Variants in RPA2 observed in about 807,000 individuals in gnomAD.
The protein encoded by RPA2 is replication protein A 32 kDa subunit.
A neutral mutation model predicts 33.4 loss-of-function variants in RPA2; 22 were observed. That is an observed-to-expected ratio of 0.66 (90% CI 0.47 to 0.94). The LOEUF is 0.94. Among genes scored for constraint, RPA2 ranks in the 40% least tolerant of loss-of-function variants. The pLI is 0.00. For synonymous variants in RPA2, 109 were observed against 114.9 expected (o/e 0.95, Z 0.33); for missense variants, 279 against 329.9 (o/e 0.85, Z 1.19).
intron 2 of RPA2, among the ~76,000 whole-genome samples, chr1:27,912,411 C>A (rs976115946): frequency 6.6e-6 from 1 of 151,458 alleles, no homozygotes; most frequent in Admixed American, 6.6e-5. Context: ...ATTAGCCTGA[C>A]ACCGCAGTGA....
intron 4 of RPA2, among the ~76,000 whole-genome samples, chr1:27,906,203 C>A (rs951764323): frequency 6.6e-6 from 1 of 152,008 alleles, no homozygotes; most frequent in Non-Finnish European, 1.5e-5. Context: ...AACCCCATCT[C>A]TACTAAAAAT....
At chr1:27,893,875 C>T (rs757352328) in intron 8 of RPA2, 137 bp downstream of exon 8, 18 of 649,156 alleles carry the variant, frequency 2.8e-5, no homozygotes, top group Middle Eastern at 2.5e-4. Flanking sequence ...TCCCAAAGTG[C>T]TGAGATTACA....
intron 4 of RPA2, among the ~76,000 whole-genome samples, chr1:27,903,540 G>A (rs2089992710): frequency 6.6e-6 from 1 of 151,522 alleles, no homozygotes; most frequent in South Asian, 2.1e-4. Flanking sequence ...CCAACATGTT[G>A]AAACCCCGTC....
intron 6 of RPA2, among the ~76,000 whole-genome samples, chr1:27,896,700 A>G (rs186314392): frequency 3.4e-4 from 52 of 152,278 alleles, no homozygotes; most frequent in Admixed American, 9.2e-4. Context: ...TGCACTGACA[A>G]TCCTGGAGCT....
rs929588439 is a variant in RPA2, at chr1:27,914,471, C to T, written c.-28G>A. The T allele has an allele frequency of 6.3e-7, 1 of 1,588,266 alleles. No individual in the cohort carries two copies. Among genetic ancestry groups the T allele is most frequent in the Non-Finnish European group, 8.6e-7 (1 of 1,166,612 alleles). ...TGGTCACGATTCTCCGCAAAGAGGCCGAGAAGGTGCGGGTCTGGGGGAATA... is the reference window on the plus strand; with the variant it reads ...TGGTCACGATTCTCCGCAAAGAGGCTGAGAAGGTGCGGGTCTGGGGGAATA... On this transcript the variant is annotated 5_prime_UTR_variant, in exon 1 of 9. Coordinates refer to ENST00000373912, the MANE Select transcript of RPA2 (RefSeq NM_002946.5).
intron 4 of RPA2, among the ~76,000 whole-genome samples, chr1:27,898,968 G>A (rs1159786466): frequency 6.6e-6 from 1 of 152,154 alleles, no homozygotes; most frequent in Non-Finnish European, 1.5e-5. Context: ...AGCACTTTAG[G>A]AGGACAAGGC....
chr1:27,914,738 C>T (rs894186849), upstream of RPA2: 74 of 1,514,908 alleles, frequency 4.9e-5, no homozygotes, highest in Admixed American at 9.2e-5. Flanking sequence ...CAAAACCCTC[C>T]GCACTAGCGG....
intron 4 of RPA2, among the ~76,000 whole-genome samples, chr1:27,904,045 T>A (rs748110274): frequency 4.0e-5 from 6 of 151,422 alleles, no homozygotes; most frequent in Non-Finnish European, 7.4e-5. Flanking sequence ...ATGCCTGTAA[T>A]CCCAGCTACT....
intron 4 of RPA2, among the ~76,000 whole-genome samples, chr1:27,904,108 G>A (rs1040777263): frequency 6.6e-6 from 1 of 150,590 alleles, no homozygotes; most frequent in Non-Finnish European, 1.5e-5. Context: ...AGGTTGTGGT[G>A]AGCTGGAGAT....
intron 2 of RPA2, among the ~76,000 whole-genome samples, chr1:27,909,675 T>C (rs28988906): frequency 0.028 from 4,278 of 151,666 alleles, 198 homozygotes; most frequent in African/African-American, 0.094. Context: ...GATCATACCA[T>C]TGCACTCCAG....
intron 4 of RPA2, among the ~76,000 whole-genome samples, chr1:27,903,537 G>T (rs1414505875): frequency 6.6e-6 from 1 of 151,508 alleles, no homozygotes; most frequent in Non-Finnish European, 1.5e-5. Context: ...TGGCCAACAT[G>T]TTGAAACCCC....
chr1:27,907,380 T>C (rs779620779), intron 2 of RPA2, 98 bp from the exon 3 acceptor site: 9 of 961,396 alleles, frequency 9.4e-6, no homozygotes, highest in East Asian at 2.5e-5. Context: ...TATTAGAACA[T>C]TGAATTTCAA....
intron 2 of RPA2, among the ~76,000 whole-genome samples, chr1:27,908,863 T>C (rs1323919817): frequency 6.6e-6 from 1 of 152,054 alleles, no homozygotes; most frequent in African/African-American, 2.4e-5. Context: ...TGGCAAGAGG[T>C]AGTCTGGGTA....
intron 2 of RPA2, among the ~76,000 whole-genome samples, chr1:27,913,616 G>A (rs1006475958): frequency 6.7e-6 from 1 of 150,050 alleles, no homozygotes; most frequent in African/African-American, 2.5e-5. Flanking sequence ...ATGTAAAAGA[G>A]ACTATTAATA....
upstream of RPA2, chr1:27,914,579 G>A: frequency 3.1e-6 from 5 of 1,612,728 alleles, no homozygotes; most frequent in Non-Finnish European, 4.2e-6. Context: ...CGCGAATGGC[G>A]GAGCCAGTCA....
chr1:27,910,068 T>TA (rs2090079534), intron 2 of RPA2, among the ~76,000 whole-genome samples: 1 of 152,190 alleles, frequency 6.6e-6, no homozygotes, highest in Non-Finnish European at 1.5e-5. Flanking sequence ...TTTCTGTTTT[T>TA]ACCTATCACA....
intron 7 of RPA2, 77 bp downstream of exon 7, chr1:27,894,213 C>A: frequency 6.6e-7 from 1 of 1,511,946 alleles, no homozygotes; most frequent in South Asian, 1.1e-5. Flanking sequence ...CTTAAACAGT[C>A]GTAGCTCATT....
At chr1:27,907,343 C>A in intron 2 of RPA2, 61 bp from the exon 3 acceptor site, 2 of 1,271,064 alleles carry the variant, frequency 1.6e-6, no homozygotes, top group South Asian at 1.3e-5. Flanking sequence ...TCATTCAACA[C>A]CTGCCATGTG....
intron 4 of RPA2, among the ~76,000 whole-genome samples, chr1:27,903,831 G>A (rs2089995996): frequency 7.2e-6 from 1 of 138,456 alleles, no homozygotes; most frequent in South Asian, 2.4e-4. Context: ...TTTGAGGCCA[G>A]CCTAGGCAGC....
Sources: gnomAD v4.1 joint callset for allele counts (sites outside exome capture counted in the v4.1 genomes callset) on GRCh38, gnomAD v4.1.1 for gene constraint, MANE v1.5 for transcripts, NCBI Gene and HGNC (gene_info 2026-07-23, HGNC 2026-07-21) for gene names.